The following CTSO variants were observed in gnomAD, a reference collection of about 807,000 sequenced individuals.
CTSO encodes cathepsin O.
A neutral mutation model predicts 42.4 loss-of-function variants in CTSO; 40 were observed. The observed-to-expected ratio is 0.94, with a 90% CI of 0.73 to 1.23. The LOEUF (loss-of-function observed/expected upper bound fraction) is 1.23. Ranked by LOEUF, CTSO falls within the 50% of genes most tolerant of loss-of-function variation. CTSO has a pLI of 0.00. For synonymous variants in CTSO, 156 were observed against 146.2 expected, an observed-to-expected ratio of 1.07 and a Z score of -0.48; for missense variants, 441 against 396.0, an observed-to-expected ratio of 1.11 and a Z score of -0.96.
intron 3 of CTSO, among the ~76,000 whole-genome samples, chr4:155,940,395 C>CAA (rs34503036): frequency 2.8e-4 from 40 of 145,400 alleles, no homozygotes; most frequent in South Asian, 1.1e-3. Flanking sequence ...AGAGTTAGAC[C>CAA]AAAAAAAAAA....
intron 5 of CTSO, among the ~76,000 whole-genome samples, chr4:155,936,944 G>C (rs932503946): frequency 6.6e-6 from 1 of 152,138 alleles, no homozygotes; most frequent in Non-Finnish European, 1.5e-5. Context: ...GATATTAGCT[G>C]CACAGTCTGT....
intron 5 of CTSO, 113 bp from the exon 6 acceptor site, chr4:155,929,818 C>A: frequency 1.0e-6 from 1 of 965,206 alleles, no homozygotes; most frequent in Non-Finnish European, 1.5e-6. Flanking sequence ...TTACAAAGGA[C>A]CTAAACAATG....
intron 1 of CTSO, among the ~76,000 whole-genome samples, chr4:155,946,791 G>A (rs1018894584): frequency 6.6e-6 from 1 of 152,070 alleles, no homozygotes; most frequent in Admixed American, 6.6e-5. Context: ...CACTTGTTTT[G>A]ATTTTGCAAA....
At chr4:155,938,896 G>A (rs1267894831) in intron 4 of CTSO, among the ~76,000 whole-genome samples, 1 of 152,148 alleles carries the variant, frequency 6.6e-6, no homozygotes, top group Non-Finnish European at 1.5e-5. Flanking sequence ...GGTGGAGGTT[G>A]CAGTGAGCCA....
At chr4:155,938,415 C>T (rs756940962) in intron 4 of CTSO, among the ~76,000 whole-genome samples, 7 of 152,114 alleles carry the variant, frequency 4.6e-5, no homozygotes, top group East Asian at 1.9e-4. Flanking sequence ...GGTTTGATGA[C>T]GTTCTACAGA....
Position 155,925,429 on chromosome 4 carries a change from C to G in CTSO, c.*607G>C, listed in dbSNP as rs1042025960. On this transcript the variant is annotated 3_prime_UTR_variant, in exon 8 of 8. Coordinates refer to ENST00000433477, the MANE Select transcript of CTSO (RefSeq NM_001334.3). ...TCATTTAATTTCAGTTTAACTGAAG[C>G]GATTTTGCCCTTTTCCTTCCTTCTA... is the stretch of plus-strand genomic sequence containing the variant. 2 of 152,132 alleles carry G rather than the reference C, an allele frequency of 1.3e-5. No individual in the cohort carries two copies. Among genetic ancestry groups the G allele is most frequent in the African/African-American group, 4.8e-5 (2 of 41,410 alleles). 9.4% of individuals were successfully genotyped at this position (152,132 alleles called of 1,614,324 possible). A position where few individuals can be genotyped will look rare whatever the true frequency, so the allele number is the denominator to read the frequency against.
At chr4:155,938,783 C>A (rs1226694228) in intron 4 of CTSO, among the ~76,000 whole-genome samples, 1 of 151,518 alleles carries the variant, frequency 6.6e-6, no homozygotes, top group Non-Finnish European at 1.5e-5. Context: ...AAACAAAAAA[C>A]AAAAAACAAA....
At chr4:155,938,186 ATTCT>A (rs1354827146) in intron 4 of CTSO, among the ~76,000 whole-genome samples, 1 of 152,156 alleles carries the variant, frequency 6.6e-6, no homozygotes, top group Non-Finnish European at 1.5e-5. Context: ...TAGGTCAAGC[ATTCT>A]TTCTATCACT....
At chr4:155,950,366 C>A (rs1743649174) in intron 1 of CTSO, among the ~76,000 whole-genome samples, 1 of 152,138 alleles carries the variant, frequency 6.6e-6, no homozygotes, top group Admixed American at 6.5e-5. Context: ...TCAGAAAACC[C>A]AGACCAGTTC....
intron 5 of CTSO, among the ~76,000 whole-genome samples, chr4:155,930,153 C>T (rs764556151): frequency 7.9e-5 from 12 of 152,142 alleles, no homozygotes; most frequent in Admixed American, 2.0e-4. Flanking sequence ...GGAATGAGTT[C>T]TGTAGCTGGC....
In CTSO at chr4:155,928,386, G is replaced by C. The variant is rs987676673; in HGVS notation, c.881C>G (p.Ser294Cys). ...ATGGGCATAACCATCTACTCCCCAA[G>C]AACTTCCCCAGGAATTCCGCACAAT... is the stretch of plus-strand genomic sequence containing the variant. ...YWIVRNSWGSSWGVDGYAHVK... is the reference protein window; with the variant it reads ...YWIVRNSWGSCWGVDGYAHVK... Residue 294 changes from serine (S) to cysteine (C), a missense_variant, in exon 7 of 8, where the codon TCT becomes TGT. Physicochemically the swap from Ser to Cys is moderately radical, Grantham distance 112. Transcript: ENST00000433477. The C allele has an allele frequency of 1.9e-6, 3 of 1,613,126 alleles. No individual in the cohort carries two copies. The African/African-American group carries it at 4.0e-5, about 22-fold the overall frequency.
At chr4:155,937,967 G>A (rs867331182) in intron 4 of CTSO, among the ~76,000 whole-genome samples, 16 of 152,170 alleles carry the variant, frequency 1.1e-4, no homozygotes, top group South Asian at 2.1e-4. Flanking sequence ...GCTTGTTCTG[G>A]ATAGTCTAGA....
At chr4:155,937,509 G>T in intron 4 of CTSO, 26 bp from the exon 5 acceptor site, 1 of 1,604,292 alleles carries the variant, frequency 6.2e-7, no homozygotes, top group Non-Finnish European at 8.5e-7. Context: ...CACTGAACAT[G>T]TTTACTGTCA....
At chr4:155,928,582 T>A (rs1743172855) in intron 6 of CTSO, among the ~76,000 whole-genome samples, 154 bp from the exon 7 acceptor site, 3 of 152,178 alleles carry the variant, frequency 2.0e-5, no homozygotes, top group Admixed American at 6.5e-5. Context: ...CTACTTTATT[T>A]TAACTAAGTA....
intron 7 of CTSO, 82 bp from the exon 8 acceptor site, chr4:155,926,152 G>A: frequency 1.0e-6 from 1 of 987,572 alleles, no homozygotes; most frequent in Non-Finnish European, 1.5e-6. Flanking sequence ...TTTTCATTTG[G>A]GTTCAGAAAG....
At chr4:155,940,222 C>A (rs559791526) in intron 3 of CTSO, among the ~76,000 whole-genome samples, 2 of 151,036 alleles carry the variant, frequency 1.3e-5, no homozygotes, top group African/African-American at 4.9e-5. Context: ...CAAACTAGAA[C>A]AAAAGAATAA....
At position 155,939,587 on chromosome 4, in the gene CTSO, T is replaced by A. The variant is rs748475875; in HGVS notation, c.385-49A>T. On this transcript the variant is annotated intron_variant, in intron 3 of 7. Coordinates refer to ENST00000433477, the MANE Select transcript of CTSO (RefSeq NM_001334.3). The stretch of plus-strand genomic sequence containing the variant: ...TGGTATTTCCAGGGTTTAAATCAAC[T>A]TACCAACATCTCTAAATGTAACAAG... 8 of 1,502,206 alleles carry A rather than the reference T, an allele frequency of 5.3e-6. No homozygotes were observed. In the Admixed American group the frequency reaches 5.7e-5, roughly 11 times the overall value. The allele number at this position is 1,502,206 out of a possible 1,614,324, so 93.1% of individuals were successfully genotyped here.
Position 155,925,939 on chromosome 4 carries a change from G to C in CTSO, c.*97C>G. 9.8e-7 allele frequency: 1 copy of C among 1,025,528 alleles called. No individual in the cohort carries two copies. The highest frequency in any genetic ancestry group is 1.5e-6 in the Non-Finnish European group (1 of 678,026). 63.5% of individuals were successfully genotyped at this position (1,025,528 alleles called of 1,614,324 possible). The stretch of plus-strand genomic sequence containing the variant: ...GCCTTAGAATCTTTTGTAGGTAGTT[G>C]CTGAAACTTGAAGTTGAATAATACT... On this transcript the variant is annotated 3_prime_UTR_variant, in exon 8 of 8. Transcript: ENST00000433477.
At chr4:155,936,028 T>C (rs538417269) in intron 5 of CTSO, among the ~76,000 whole-genome samples, 1 of 152,320 alleles carries the variant, frequency 6.6e-6, no homozygotes, top group African/African-American at 2.4e-5. Context: ...GGGATTCCCT[T>C]AATCCCTTTT....
Sources: gnomAD v4.1 joint callset for allele counts (sites outside exome capture counted in the v4.1 genomes callset) on GRCh38, gnomAD v4.1.1 for gene constraint, MANE v1.5 for transcripts, NCBI Gene and HGNC (gene_info 2026-07-23, HGNC 2026-07-21) for gene names.